The following NFS1 variants were observed in gnomAD, a reference collection of about 807,000 sequenced individuals.
The protein encoded by NFS1 is NFS1 cysteine desulfurase.
NFS1 carries 26 observed loss-of-function variants against 57.3 expected under a neutral mutation model. That is an observed-to-expected ratio of 0.45 (90% confidence interval 0.33 to 0.63). The LOEUF is 0.63. Among genes scored for constraint, NFS1 ranks in the 20% least tolerant of loss-of-function variants. The pLI, the probability that NFS1 is intolerant of heterozygous loss-of-function variation, is 0.02. For missense variants in NFS1, 505 were observed against 605.8 expected (o/e 0.83, Z 1.75); for synonymous variants, 209 against 216.3 (o/e 0.97, Z 0.30).
chr20:35,676,707 A>G (rs1175364530), intron 7 of NFS1, among the ~76,000 whole-genome samples: 2 of 148,120 alleles, frequency 1.4e-5, no homozygotes, highest in Admixed American at 6.7e-5. Flanking sequence ...AACACATAGG[A>G]TAATTGTAGA....
At chr20:35,683,086 A>G (rs1475835134) in intron 5 of NFS1, among the ~76,000 whole-genome samples, 1 of 151,374 alleles carries the variant, frequency 6.6e-6, no homozygotes, top group Non-Finnish European at 1.5e-5. Context: ...TCAAAAAACA[A>G]AACAAAACAA....
intron 5 of NFS1, among the ~76,000 whole-genome samples, chr20:35,688,204 G>A (rs1387334882): frequency 5.9e-5 from 9 of 151,854 alleles, no homozygotes; most frequent in Non-Finnish European, 1.0e-4. Flanking sequence ...AGCCAAGATC[G>A]TGCCATTGCA....
intron 5 of NFS1, among the ~76,000 whole-genome samples, chr20:35,689,453 T>A (rs1259860411): frequency 6.8e-6 from 1 of 147,978 alleles, no homozygotes; most frequent in Non-Finnish European, 1.5e-5. Context: ...TGAAACCCCA[T>A]CTCTACTAAA....
chr20:35,695,808 G>A (rs747598866), intron 4 of NFS1, among the ~76,000 whole-genome samples: 2 of 152,034 alleles, frequency 1.3e-5, no homozygotes, highest in African/African-American at 2.4e-5. Flanking sequence ...TTGGGAGGTC[G>A]AGATGGGAGG....
chr20:35,690,917 T>C (rs1686352081), intron 4 of NFS1, among the ~76,000 whole-genome samples: 4 of 152,096 alleles, frequency 2.6e-5, no homozygotes, highest in African/African-American at 4.8e-5. Flanking sequence ...TCCAAACCCA[T>C]AGAATGTACA....
chr20:35,677,336 AGC>A (rs2034769905), intron 7 of NFS1, among the ~76,000 whole-genome samples: 1 of 152,088 alleles, frequency 6.6e-6, no homozygotes, highest in Admixed American at 6.6e-5. Context: ...GTTTGGGACC[AGC>A]CTGAGAAACA....
At chr20:35,687,102 A>G (rs1003630257) in intron 5 of NFS1, among the ~76,000 whole-genome samples, 3 of 152,180 alleles carry the variant, frequency 2.0e-5, no homozygotes, top group Non-Finnish European at 4.4e-5. Context: ...GTCTAGCGGT[A>G]GCGTCAGTGT....
rs2034605918 is a variant in NFS1 at position 35,668,762 on chromosome 20, A to G, written c.*860T>C. 1 of 152,230 alleles carries G rather than the reference A, an allele frequency of 6.6e-6. No homozygotes were observed. The allele number at this position is 152,230 out of a possible 1,614,324, so 9.4% of individuals were successfully genotyped here. A position where few individuals can be genotyped will look rare whatever the true frequency, so the allele number is the denominator to read the frequency against. ...CTAAAATTTAAAACTCAGTGAGGGC[A>G]GGGTCTTTTTTGGTCCTGTTAACCA... On this transcript the variant is annotated 3_prime_UTR_variant, in exon 13 of 13. Transcript: ENST00000374092.
chr20:35,697,735 C>T lies in NFS1; in HGVS notation c.273G>A (p.Arg91=), dbSNP rs769299385. Residue 91 remains arginine, a synonymous_variant, in exon 3 of 13, where the codon CGG becomes CGA. Transcript: ENST00000374092. ...LINYYGNPHS[R]THAYGWESEA... ...CACTCTCCCAGCCATAAGCATGTGT[C>T]CGGGAGTGTGGGTTCCCATAGTAGT... 1 of 1,614,022 alleles carries T rather than the reference C, an allele frequency of 6.2e-7. No homozygotes were observed. Among genetic ancestry groups the T allele is most frequent in the South Asian group, 1.1e-5 (1 of 91,060 alleles).
rs1295114419 is a variant in NFS1, at chr20:35,699,169, C to G, written c.97+23G>C. On this transcript the variant is annotated intron_variant, in intron 1 of 12. Coordinates refer to ENST00000374092, the MANE Select transcript of NFS1 (RefSeq NM_021100.5). The surrounding 1 kb of genome is among the most constrained non-coding windows in gnomAD (Gnocchi z 4.4). ...GCGGAGGGGACAGGTCCGCGCCTCC[C>G]GGAGAGCGGGACCCGAGCGTACCGC... 6 of 1,388,912 alleles carry G rather than the reference C, an allele frequency of 4.3e-6. No individual in the cohort carries two copies. The highest frequency in any genetic ancestry group is 3.2e-5 in the South Asian group (2 of 61,646). The allele number at this position is 1,388,912 out of a possible 1,614,324, so 86.0% of individuals were successfully genotyped here. A position where few individuals can be genotyped will look rare whatever the true frequency, so the allele number is the denominator to read the frequency against.
intron 5 of NFS1, among the ~76,000 whole-genome samples, chr20:35,682,257 A>G (rs2034860310): frequency 6.6e-6 from 1 of 152,244 alleles, no homozygotes; most frequent in Admixed American, 6.5e-5. Flanking sequence ...CATAGAACCC[A>G]GTAACTGTAC....
chr20:35,694,280 G>A (rs1199797859), intron 4 of NFS1, among the ~76,000 whole-genome samples: 1 of 151,960 alleles, frequency 6.6e-6, no homozygotes. Flanking sequence ...AAGTAGCTAG[G>A]ACTACAGGGG....
chr20:35,688,430 G>T (rs1354996697), intron 5 of NFS1, among the ~76,000 whole-genome samples: 2 of 152,018 alleles, frequency 1.3e-5, no homozygotes, highest in Admixed American at 6.6e-5. Flanking sequence ...GGTGGTGTAT[G>T]CCTGTAGTCC....
At chr20:35,686,039 G>C (rs28875933) in intron 5 of NFS1, among the ~76,000 whole-genome samples, 37,906 of 148,336 alleles carry the variant, frequency 0.26, 5,622 homozygotes, top group African/African-American at 0.42. Context: ...AAGCAATTCT[G>C]CTGCCTCACC....
At chr20:35,698,811 A>C in intron 1 of NFS1, 1 of 1,380,472 alleles carries the variant, frequency 7.2e-7, no homozygotes, top group Non-Finnish European at 9.3e-7. Context: ...TTGAGTTGAT[A>C]TTCAAATGGT....
chr20:35,694,143 C>CT (rs750913818), intron 4 of NFS1, among the ~76,000 whole-genome samples: 2,366 of 133,972 alleles, frequency 0.018, 76 homozygotes, highest in African/African-American at 0.057. Context: ...GAGACCATGT[C>CT]TTTTTTTTTT....
chr20:35,698,417 C>A lies in NFS1; in HGVS notation c.207+64G>T, dbSNP rs1190584866. ...CACTTCTCCAGGGATTCAGCCATTT[C>A]TTTGCGTGATCACGCCCATCATTTA... On this transcript the variant is annotated intron_variant, in intron 2 of 12. Transcript: ENST00000374092. 5 of 1,240,384 alleles carry A rather than the reference C, an allele frequency of 4.0e-6. No individual in the cohort carries two copies. In the African/African-American group the frequency reaches 4.6e-5, roughly 11 times the overall value. The allele number at this position is 1,240,384 out of a possible 1,614,324, so 76.8% of individuals were successfully genotyped here. A position where few individuals can be genotyped will look rare whatever the true frequency, so the allele number is the denominator to read the frequency against.
At chr20:35,677,301 G>A (rs1014550594) in intron 7 of NFS1, among the ~76,000 whole-genome samples, 1 of 152,100 alleles carries the variant, frequency 6.6e-6, no homozygotes, top group African/African-American at 2.4e-5. Flanking sequence ...GGAGGCCAAG[G>A]AAGGAGAATC....
chr20:35,679,975 C>T (rs1280653524), intron 7 of NFS1, among the ~76,000 whole-genome samples: 2 of 152,102 alleles, frequency 1.3e-5, no homozygotes, highest in Admixed American at 6.6e-5. Context: ...CCTTGAGAGA[C>T]TAACAGGATA....
Sources: allele counts gnomAD v4.1 joint callset (sites outside exome capture counted in the v4.1 genomes callset), GRCh38; gene constraint gnomAD v4.1.1; non-coding constraint Gnocchi (gnomAD v3.1); transcripts MANE v1.5; gene names NCBI Gene and HGNC (gene_info 2026-07-23, HGNC 2026-07-21).